Variants in MRPL3 observed in about 807,000 individuals in gnomAD.
MRPL3 encodes the protein large ribosomal subunit protein uL3m.
Under a neutral mutation model 44.3 loss-of-function variants are expected in MRPL3, and 43 were observed. That is an observed-to-expected ratio of 0.97 (90% CI 0.76 to 1.25). The LOEUF (loss-of-function observed/expected upper bound fraction) is 1.25. Ranked by LOEUF, MRPL3 falls within the 50% of genes most tolerant of loss-of-function variation. MRPL3 has a pLI of 0.00. For missense variants in MRPL3, 406 were observed against 427.6 expected, an observed-to-expected ratio of 0.95 and a Z score of 0.45; for synonymous variants, 171 against 152.3, an observed-to-expected ratio of 1.12 and a Z score of -0.91.
At chr3:131,484,307 CA>C (rs1415314204) in intron 6 of MRPL3, among the ~76,000 whole-genome samples, 3 of 152,120 alleles carry the variant, frequency 2.0e-5, no homozygotes, top group Non-Finnish European at 4.4e-5. Context: ...TGCAAATTCT[CA>C]GGTATTAACC....
intron 9 of MRPL3, among the ~76,000 whole-genome samples, chr3:131,467,495 G>T (rs1046293698): frequency 6.6e-5 from 10 of 152,072 alleles, no homozygotes; most frequent in Non-Finnish European, 1.2e-4. Context: ...TAGAAGAGGG[G>T]CCTGGTGGGA....
At chr3:131,496,264 A>G (rs1240894318) in intron 4 of MRPL3, among the ~76,000 whole-genome samples, 1 of 152,184 alleles carries the variant, frequency 6.6e-6, no homozygotes, top group African/African-American at 2.4e-5. Context: ...CAAACACTTG[A>G]TTTTTTTAAA....
intron 9 of MRPL3, 28 bp downstream of exon 9, chr3:131,468,063 G>A (rs200968984): frequency 7.1e-4 from 806 of 1,137,568 alleles, no homozygotes; most frequent in East Asian, 2.7e-3. Flanking sequence ...AAAAAAAAAG[G>A]AAAAAAAAAG....
At chr3:131,478,796 C>T (rs570349742) in intron 6 of MRPL3, among the ~76,000 whole-genome samples, 1 of 151,094 alleles carries the variant, frequency 6.6e-6, no homozygotes, top group South Asian at 2.1e-4. Context: ...GCAAGCCCCA[C>T]CTCCCAGGTT....
In MRPL3 at chr3:131,462,868, T is replaced by C. The variant is rs368697552; in HGVS notation, c.902A>G (p.Asp301Gly). The change falls in exon 10 of 10, where the codon GAT becomes GGT. Residue 301 changes from aspartate to glycine, a missense_variant. Coordinates refer to ENST00000264995, the MANE Select transcript of MRPL3 (RefSeq NM_007208.4). ...ATCCTTATATGCAGGCAGTTTAGAA[T>C]CTTTGACCTGAGAGAAGGCAAAAAT... ...GHKNCLVKVK[D>G]SKLPAYKDLG... is the part of the protein sequence containing the mutation. The C allele has an allele frequency of 4.4e-6, 7 of 1,607,716 alleles. No homozygotes were observed. In the South Asian group the frequency reaches 5.5e-5, roughly 13 times the overall value.
chr3:131,476,256 C>G (rs942589312), intron 6 of MRPL3, among the ~76,000 whole-genome samples: 3 of 152,120 alleles, frequency 2.0e-5, no homozygotes, highest in Non-Finnish European at 4.4e-5. Flanking sequence ...AACAAAAGAA[C>G]AAAACACAAA....
Position 131,501,689 on chromosome 3 carries a change from C to T in MRPL3, c.119G>A (p.Gly40Asp). 1 of 1,612,802 alleles carries T rather than the reference C, an allele frequency of 6.2e-7. No homozygotes were observed. The highest frequency in any genetic ancestry group is 8.5e-7 in the Non-Finnish European group (1 of 1,179,690). Residue 40 changes from glycine to aspartate, a missense_variant, in exon 2 of 10, where the codon GGT becomes GAT. By Grantham distance (94) the Gly-to-Asp change is moderately conservative. Transcript: ENST00000264995. ...CCATGTACCACTCTTTCCATGAAGA[C>T]CTCTAACAAAAAGCCAGATGTGTGT... ...NRTHIWLFVR[G>D]LHGKSGTWWD...
At chr3:131,470,371 A>T (rs975842483) in intron 7 of MRPL3, among the ~76,000 whole-genome samples, 12 of 152,122 alleles carry the variant, frequency 7.9e-5, no homozygotes, top group African/African-American at 2.2e-4. Context: ...CTGAATTATG[A>T]CTAAAATGGA....
intron 6 of MRPL3, among the ~76,000 whole-genome samples, chr3:131,480,485 T>C (rs1366412081): frequency 6.6e-6 from 1 of 152,210 alleles, no homozygotes; most frequent in East Asian, 1.9e-4. Flanking sequence ...AACCATAAAC[T>C]TCCCATCAAT....
rs534230573 is a variant in MRPL3, at chr3:131,473,721, A to C, written c.630-2442T>G. Among the ~76,000 whole-genome samples the C allele has an allele frequency of 1.1e-3, 160 of 152,170 alleles. 1 individual carries two copies. Among genetic ancestry groups the C allele is most frequent in the Middle Eastern group, 3.4e-3 (1 of 294 alleles). On this transcript the variant is annotated intron_variant, in intron 6 of 9. Coordinates refer to ENST00000264995, the MANE Select transcript of MRPL3 (RefSeq NM_007208.4). ...AAGGAACTCAAACAACTAAAAAAAA[A>C]CCCCAAGTAATCCAATTAAAAAATG... is the stretch of plus-strand genomic sequence containing the variant.
chr3:131,500,989 G>T (rs1185417604), intron 2 of MRPL3, among the ~76,000 whole-genome samples: 2 of 152,156 alleles, frequency 1.3e-5, no homozygotes, highest in Non-Finnish European at 2.9e-5. Flanking sequence ...GCATAAACTG[G>T]TAAAGTTGCC....
chr3:131,501,388 A>G, intron 2 of MRPL3, 143 bp downstream of exon 2: 2 of 769,242 alleles, frequency 2.6e-6, no homozygotes, highest in Non-Finnish European at 4.1e-6. Context: ...ATAAACATGC[A>G]AAACAAACCA....
intron 3 of MRPL3, among the ~76,000 whole-genome samples, chr3:131,499,215 G>A (rs575519606): frequency 3.9e-5 from 6 of 152,170 alleles, no homozygotes; most frequent in Admixed American, 1.3e-4. Flanking sequence ...ATTGTGTGTA[G>A]CTCTATTCTG....
rs74809119 is a variant in MRPL3 at position 131,474,446 on chromosome 3, T to A, written c.630-3167A>T. Reference sequence around the variant, plus strand: ...GGGGAGAGGTTGGTTAATAGGTAGATAGAAGGAATAAGTTCTGGTGTTCTA... The same window carrying A: ...GGGGAGAGGTTGGTTAATAGGTAGAAAGAAGGAATAAGTTCTGGTGTTCTA... On this transcript the variant is annotated intron_variant, in intron 6 of 9. Coordinates refer to ENST00000264995, the MANE Select transcript of MRPL3 (RefSeq NM_007208.4). 3.6e-3 allele frequency among the ~76,000 whole-genome samples: 544 copies of A among 152,184 alleles called. 1 individual carries two copies. Among genetic ancestry groups the A allele is most frequent in the Non-Finnish European group, 4.5e-3 (305 of 67,986 alleles).
At chr3:131,464,070 C>T (rs558688561) in intron 9 of MRPL3, among the ~76,000 whole-genome samples, 7 of 152,066 alleles carry the variant, frequency 4.6e-5, no homozygotes, top group African/African-American at 1.7e-4. Context: ...GTTTTGTCCC[C>T]CCAATCCATT....
Position 131,502,872 on chromosome 3 carries a change from T to C in MRPL3, c.-51A>G. The C allele has an allele frequency of 8.4e-6, 13 of 1,554,802 alleles. No individual in the cohort carries two copies. Among genetic ancestry groups the C allele is most frequent in the Non-Finnish European group, 1.1e-5 (13 of 1,134,376 alleles). ...ACGACTTCCGGGCGCCCTGCCGCTC[T>C]GCTTTCAGGGAGTCCCCACGCCACC... On this transcript the variant is annotated 5_prime_UTR_variant, in exon 1 of 10. Coordinates refer to ENST00000264995, the MANE Select transcript of MRPL3 (RefSeq NM_007208.4).
chr3:131,468,884 T>A (rs1434911529), intron 8 of MRPL3, among the ~76,000 whole-genome samples: 1 of 152,046 alleles, frequency 6.6e-6, no homozygotes, highest in Admixed American at 6.6e-5. Context: ...GTATGCAGAA[T>A]AGAGACTGGG....
At chr3:131,480,244 A>G (rs1343196515) in intron 6 of MRPL3, among the ~76,000 whole-genome samples, 1 of 152,206 alleles carries the variant, frequency 6.6e-6, no homozygotes, top group Non-Finnish European at 1.5e-5. Flanking sequence ...AGATCCCTGT[A>G]AAGTGCGGCA....
Position 131,462,726 on chromosome 3 carries a change from G to A in MRPL3, c.1044C>T (p.Ala348=), listed in dbSNP as rs1933517357. The A allele has an allele frequency of 6.2e-7, 1 of 1,610,426 alleles. No homozygotes were observed. The highest frequency in any genetic ancestry group is 1.7e-5 in the Admixed American group (1 of 59,770). ...GGTTCTGCCACGTCCAAAGATGTTA[G>A]GCAAATGTAATAGAAGGCGCACCGG... ...CQPGAPSITF[A] is the part of the protein sequence containing the mutation. The change falls in exon 10 of 10, where the codon GCC becomes GCT. Residue 348 remains alanine, a synonymous_variant. Coordinates refer to ENST00000264995, the MANE Select transcript of MRPL3 (RefSeq NM_007208.4).
Sources: allele counts gnomAD v4.1 joint callset (sites outside exome capture counted in the v4.1 genomes callset), GRCh38; gene constraint gnomAD v4.1.1; transcripts MANE v1.5; gene names NCBI Gene and HGNC (gene_info 2026-07-23, HGNC 2026-07-21).